The following KALRN variants were observed in gnomAD, a reference collection of about 807,000 sequenced individuals.
The protein encoded by KALRN is kalirin.
A neutral mutation model predicts 353.7 loss-of-function variants in KALRN; 70 were observed. The observed-to-expected ratio is 0.20, with a 90% CI of 0.16 to 0.24. KALRN has a LOEUF of 0.24. Ranked by LOEUF, KALRN falls within the 10% of genes least tolerant of loss-of-function variation. The probability of loss-of-function intolerance (pLI) is 1.00; values close to 1 mark genes in which losing one functional copy is unlikely to be tolerated. For synonymous variants in KALRN, 1,391 were observed against 1,434.8 expected (o/e 0.97, Z 0.69); for missense variants, 2,791 against 3,756.7 (o/e 0.74, Z 6.72).
intron 1 of KALRN, among the ~76,000 whole-genome samples, chr3:124,208,564 G>A (rs2076622338): frequency 6.6e-6 from 1 of 152,144 alleles, no homozygotes; most frequent in Non-Finnish European, 1.5e-5. Context: ...TGGGGAAGAT[G>A]GTCTGTTACA....
rs528572029 is a variant in KALRN, at chr3:124,040,510, G to A, written c.73+6697G>A. 2.7e-4 allele frequency among the ~76,000 whole-genome samples: 41 copies of A among 152,238 alleles called. No homozygotes were observed. The South Asian group carries it at 6.0e-3, about 22-fold the overall frequency. On this transcript the variant is annotated intron_variant, in intron 1 of 59. Transcript: ENST00000682506. Reference sequence around the variant, plus strand: ...GGGTAGAGGTCAAGGGTGCTGCTAAGCATCTTACAATGCACAGGACAACAA... The same window carrying A: ...GGGTAGAGGTCAAGGGTGCTGCTAAACATCTTACAATGCACAGGACAACAA...
chr3:124,476,996 T>C (rs2061487993), intron 26 of KALRN, among the ~76,000 whole-genome samples: 1 of 152,224 alleles, frequency 6.6e-6, no homozygotes, highest in Non-Finnish European at 1.5e-5. Context: ...TCTGATTCTT[T>C]CCAGCACAAA....
intron 34 of KALRN, among the ~76,000 whole-genome samples, chr3:124,581,013 G>A (rs2074580408): frequency 6.6e-6 from 1 of 151,802 alleles, no homozygotes; most frequent in African/African-American, 2.4e-5. Context: ...ATAGACATTG[G>A]CTAGTCTCAT....
intron 14 of KALRN, among the ~76,000 whole-genome samples, chr3:124,417,954 A>G (rs528494699): frequency 6.6e-6 from 1 of 152,358 alleles, no homozygotes; most frequent in Admixed American, 6.5e-5. Context: ...GAAGGAACAA[A>G]TTCTTTCTTC....
intron 39 of KALRN, among the ~76,000 whole-genome samples, chr3:124,657,044 G>A (rs2084137910): frequency 6.6e-6 from 1 of 152,118 alleles, no homozygotes; most frequent in African/African-American, 2.4e-5. Context: ...CTCAAAACCT[G>A]ATTTTAAAAC....
At chr3:124,355,085 A>G (rs558576989) in intron 10 of KALRN, among the ~76,000 whole-genome samples, 2 of 152,332 alleles carry the variant, frequency 1.3e-5, no homozygotes, top group Admixed American at 6.5e-5. Context: ...GATACTGTAA[A>G]TGAAATCAGT....
chr3:124,098,403 C>T (rs1256584042), intron 1 of KALRN, among the ~76,000 whole-genome samples: 1 of 152,176 alleles, frequency 6.6e-6, no homozygotes, highest in East Asian at 1.9e-4. Flanking sequence ...CCTCTGGTCT[C>T]CCTCTTCTCC....
intron 1 of KALRN, chr3:124,082,414 T>A (rs1022739343): frequency 7.3e-6 from 3 of 409,930 alleles, no homozygotes; most frequent in African/African-American, 2.1e-5. Flanking sequence ...AACCAAGTAA[T>A]TCTTCTCCAG....
intron 56 of KALRN, 140 bp from the exon 57 acceptor site, chr3:124,701,898 A>G (rs899044534): frequency 3.3e-6 from 2 of 608,518 alleles, no homozygotes; most frequent in South Asian, 4.3e-5. Flanking sequence ...CCAGAGAATC[A>G]TGGCATTTTC....
intron 11 of KALRN, among the ~76,000 whole-genome samples, chr3:124,392,186 G>A (rs879365660): frequency 3.6e-4 from 54 of 151,880 alleles, no homozygotes; most frequent in Admixed American, 1.5e-3. Context: ...AGTAGCTGGG[G>A]CTACAGGCAT....
chr3:124,272,184 T>C (rs2074240270), intron 5 of KALRN, among the ~76,000 whole-genome samples: 1 of 152,234 alleles, frequency 6.6e-6, no homozygotes, highest in Admixed American at 6.5e-5. Flanking sequence ...GAAATAGTTA[T>C]TACGTTTTAA....
At chr3:124,247,161 T>C (rs1446291332) in intron 3 of KALRN, among the ~76,000 whole-genome samples, 5 of 152,232 alleles carry the variant, frequency 3.3e-5, no homozygotes, top group Non-Finnish European at 5.9e-5. Context: ...TACACTCTTC[T>C]GGCAGTTTAG....
chr3:124,466,430 A>T (rs1015785213), intron 25 of KALRN, among the ~76,000 whole-genome samples: 2 of 152,228 alleles, frequency 1.3e-5, no homozygotes, highest in Non-Finnish European at 2.9e-5. Context: ...TTGTTAATGC[A>T]GTCTTCCCAT....
intron 1 of KALRN, among the ~76,000 whole-genome samples, chr3:124,225,977 A>G (rs1263170197): frequency 1.3e-5 from 2 of 152,218 alleles, no homozygotes; most frequent in African/African-American, 2.4e-5. Flanking sequence ...CTTTTATATT[A>G]CATTTTTTTC....
chr3:124,136,724 T>C lies in KALRN; in HGVS notation c.74-91266T>C, dbSNP rs187975309. Reference sequence around the variant, plus strand: ...GGCCCAGAAATTTTGGGTAGAGGTTTGAGGCAGCCAGAAGATCCTAGAATC... The same window carrying C: ...GGCCCAGAAATTTTGGGTAGAGGTTCGAGGCAGCCAGAAGATCCTAGAATC... On this transcript the variant is annotated intron_variant, in intron 1 of 59. Coordinates refer to ENST00000682506, the MANE Select transcript of KALRN (RefSeq NM_001388419.1). Among the ~76,000 whole-genome samples the C allele has an allele frequency of 7.0e-4, 107 of 152,290 alleles. No homozygotes were observed. In the South Asian group the frequency reaches 0.014, roughly 20 times the overall value.
chr3:124,166,730 TG>T lies in KALRN; in HGVS notation c.74-61259del, dbSNP rs1459959461. On this transcript the variant is annotated intron_variant, in intron 1 of 59. Coordinates refer to ENST00000682506, the MANE Select transcript of KALRN (RefSeq NM_001388419.1). ...CTGAGCCAATGTGAGAGGAAACAGATGTTTTTTTGAACATCTAAATTTGGAG... is the reference window on the plus strand; with the variant it reads ...CTGAGCCAATGTGAGAGGAAACAGATTTTTTTTGAACATCTAAATTTGGAG... Among the ~76,000 whole-genome samples the T allele has an allele frequency of 5.9e-5, 9 of 152,164 alleles. No individual in the cohort carries two copies. In the East Asian group the frequency reaches 1.3e-3, roughly 23 times the overall value.
At chr3:124,158,106 T>G (rs1409328009) in intron 1 of KALRN, among the ~76,000 whole-genome samples, 1 of 152,170 alleles carries the variant, frequency 6.6e-6, no homozygotes, top group Non-Finnish European at 1.5e-5. Flanking sequence ...ACTTCAGAAA[T>G]TATTCTACCC....
chr3:124,549,293 T>C (rs1367099108), intron 33 of KALRN, among the ~76,000 whole-genome samples: 1 of 151,518 alleles, frequency 6.6e-6, no homozygotes, highest in Non-Finnish European at 1.5e-5. Flanking sequence ...CTGACTTTTT[T>C]TTAAGGAAAG....
chr3:124,396,974 A>G (rs1308954912), intron 12 of KALRN, among the ~76,000 whole-genome samples: 1 of 152,224 alleles, frequency 6.6e-6, no homozygotes, highest in Non-Finnish European at 1.5e-5. Flanking sequence ...CCTCACACAC[A>G]CCAGAAACAT....
Sources: gnomAD v4.1 joint callset for allele counts (sites outside exome capture counted in the v4.1 genomes callset) on GRCh38, gnomAD v4.1.1 for gene constraint, MANE v1.5 for transcripts, NCBI Gene and HGNC (gene_info 2026-07-23, HGNC 2026-07-21) for gene names.